The following MRC1 variants were observed in gnomAD, a reference collection of about 807,000 sequenced individuals.
MRC1 encodes mannose receptor C-type 1.
A neutral mutation model predicts 102.9 loss-of-function variants in MRC1; 62 were observed. The ratio of observed to expected loss-of-function variants is 0.60; its 90% CI spans 0.49 to 0.74. The LOEUF is 0.74. Among genes scored for constraint, MRC1 ranks in the 30% least tolerant of loss-of-function variants. The probability of loss-of-function intolerance (pLI) is 0.00; values close to 1 mark genes in which losing one functional copy is unlikely to be tolerated. For synonymous variants in MRC1, 457 were observed against 298.4 expected, an observed-to-expected ratio of 1.53 and a Z score of -5.48; for missense variants, 1,237 against 862.8, an observed-to-expected ratio of 1.43 and a Z score of -5.43.
Position 17,885,284 on chromosome 10 carries a change from A to G in MRC1, c.2996A>G (p.His999Arg). The G allele has an allele frequency of 2.6e-6, 2 of 780,874 alleles. No individual in the cohort carries two copies. The highest frequency in any genetic ancestry group is 4.8e-6 in the Non-Finnish European group (2 of 417,958). 48.4% of individuals were successfully genotyped at this position (780,874 alleles called of 1,614,324 possible). A position where few individuals can be genotyped will look rare whatever the true frequency, so the allele number is the denominator to read the frequency against. Residue 999 changes from histidine to arginine, a missense_variant, in exon 22 of 30, where the codon CAC (histidine) becomes CGC (arginine). His to Arg is a conservative substitution (Grantham distance 29, BLOSUM62 0). Transcript: ENST00000569591. Reference sequence around the variant, plus strand: ...TTTCTTTCAGCATTTCTTACCTATCACATGAAGGACTCCACTTTCAGTGCC... The same window carrying G: ...TTTCTTTCAGCATTTCTTACCTATCGCATGAAGGACTCCACTTTCAGTGCC... The part of the protein sequence containing the change: ...NEKEQAFLTY[H>R]MKDSTFSAWT...
At chr10:17,838,185 G>A (rs1190838576) in intron 4 of MRC1, among the ~76,000 whole-genome samples, 2 of 152,074 alleles carry the variant, frequency 1.3e-5, no homozygotes, top group South Asian at 2.1e-4. Context: ...CAGAACACCC[G>A]GGGATCCGCT....
At chr10:17,877,694 C>G (rs897818347) in intron 17 of MRC1, among the ~76,000 whole-genome samples, 1 of 152,070 alleles carries the variant, frequency 6.6e-6, no homozygotes, top group Admixed American at 6.5e-5. Context: ...ATAAAAGACT[C>G]CTGCTTTACA....
At chr10:17,886,207 T>C (rs1004676907) in intron 22 of MRC1, among the ~76,000 whole-genome samples, 4 of 152,176 alleles carry the variant, frequency 2.6e-5, no homozygotes, top group Non-Finnish European at 4.4e-5. Flanking sequence ...ACGTCTATGG[T>C]GTCCTATGTG....
intron 24 of MRC1, among the ~76,000 whole-genome samples, chr10:17,899,384 TTAAAG>T (rs1369217915): frequency 1.3e-5 from 2 of 152,222 alleles, no homozygotes; most frequent in African/African-American, 2.4e-5. Context: ...TCTTATGAGT[TTAAAG>T]TAAGCTTTTA....
chr10:17,855,459 T>C (rs1833073083), intron 8 of MRC1, among the ~76,000 whole-genome samples: 1 of 149,494 alleles, frequency 6.7e-6, no homozygotes, highest in Admixed American at 6.8e-5. Context: ...TAGTCCCAGC[T>C]ACTCAGGAGG....
rs1249273940 is a variant in MRC1 at position 17,902,438 on chromosome 10, T to A, written c.3799+316T>A. 5.3e-5 allele frequency among the ~76,000 whole-genome samples: 8 copies of A among 151,994 alleles called. 2 individuals are homozygous for A. The highest frequency in any genetic ancestry group is 2.1e-4 in the South Asian group (1 of 4,816). On this transcript the variant is annotated intron_variant, in intron 26 of 29. Coordinates refer to ENST00000569591, the MANE Select transcript of MRC1 (RefSeq NM_002438.4). Reference sequence around the variant, plus strand: ...TGTTGTACTCACCTCTTATCACTGGTAAGCTGAAGTTTTACAAGTGCCCAG... The same window carrying A: ...TGTTGTACTCACCTCTTATCACTGGAAAGCTGAAGTTTTACAAGTGCCCAG...
At chr10:17,820,586 G>A (rs2130585909) in intron 1 of MRC1, among the ~76,000 whole-genome samples, 1 of 152,112 alleles carries the variant, frequency 6.6e-6, no homozygotes, top group Non-Finnish European at 1.5e-5. Flanking sequence ...ACAATACAGT[G>A]AAAATGGCCA....
At chr10:17,850,558 C>T (rs1054071246) in intron 7 of MRC1, among the ~76,000 whole-genome samples, 71 of 152,170 alleles carry the variant, frequency 4.7e-4, no homozygotes, top group African/African-American at 1.7e-3. Flanking sequence ...ATGCTTGTCC[C>T]GAAGATGAGC....
rs1024387339 is a variant in MRC1 at position 17,894,113 on chromosome 10, T to A, written c.3148-97T>A. On this transcript the variant is annotated intron_variant, in intron 22 of 29. Coordinates refer to ENST00000569591, the MANE Select transcript of MRC1 (RefSeq NM_002438.4). ...TTAGGACAATCTTAAAATTTGGAAA[T>A]CAGGGATAATGAAAGATTTTTTTGC... is the stretch of plus-strand genomic sequence containing the variant. 7.7e-5 allele frequency: 63 copies of A among 813,434 alleles called. 1 individual carries two copies. In the South Asian group the frequency reaches 8.1e-4, roughly 10 times the overall value. The allele number at this position is 813,434 out of a possible 1,614,324, so 50.4% of individuals were successfully genotyped here. A position where few individuals can be genotyped will look rare whatever the true frequency, so the allele number is the denominator to read the frequency against.
intron 26 of MRC1, among the ~76,000 whole-genome samples, chr10:17,904,371 A>G (rs2130722179): frequency 6.6e-6 from 1 of 152,166 alleles, no homozygotes; most frequent in East Asian, 1.9e-4. Context: ...CATTTTTTGT[A>G]AGATAGCTTT....
At chr10:17,866,839 C>A in intron 12 of MRC1, 78 bp downstream of exon 12, 2 of 775,726 alleles carry the variant, frequency 2.6e-6, no homozygotes, top group Non-Finnish European at 4.8e-6. Context: ...ACATAGAAAA[C>A]AAACAAAAAC....
At chr10:17,883,765 G>A (rs1410844552) in intron 21 of MRC1, among the ~76,000 whole-genome samples, 1 of 152,204 alleles carries the variant, frequency 6.6e-6, no homozygotes, top group Non-Finnish European at 1.5e-5. Context: ...GTTGGTCTAG[G>A]AGTTAATGAC....
chr10:17,879,447 C>A (rs1047379549), intron 18 of MRC1, among the ~76,000 whole-genome samples: 15 of 152,290 alleles, frequency 9.8e-5, no homozygotes, highest in African/African-American at 3.4e-4. Context: ...CTCCGCCTCC[C>A]AGTTCAAGCG....
intron 5 of MRC1, among the ~76,000 whole-genome samples, chr10:17,842,482 AT>A (rs1212052785): frequency 2.0e-5 from 3 of 152,046 alleles, no homozygotes; most frequent in Non-Finnish European, 4.4e-5. Flanking sequence ...AATCAGTTCT[AT>A]TTTTTTCTGG....
intron 20 of MRC1, 31 bp from the exon 21 acceptor site, chr10:17,881,036 T>C (rs1321058871): frequency 2.6e-6 from 2 of 780,070 alleles, no homozygotes; most frequent in Non-Finnish European, 4.8e-6. Context: ...CTGCAGTTTT[T>C]CTTTTTTTCT....
intron 6 of MRC1, among the ~76,000 whole-genome samples, chr10:17,848,012 C>A (rs1838852119): frequency 6.7e-6 from 1 of 149,280 alleles, no homozygotes; most frequent in Admixed American, 6.7e-5. Flanking sequence ...TTTTTTATTA[C>A]AATTGTACAG....
chr10:17,896,406 G>A (rs982408974), intron 23 of MRC1, among the ~76,000 whole-genome samples: 5 of 152,180 alleles, frequency 3.3e-5, no homozygotes, highest in Non-Finnish European at 7.3e-5. Flanking sequence ...TAGGTCAGCA[G>A]TAATACCAAA....
In MRC1 at chr10:17,903,399, T is replaced by C. The variant is rs1456182076; in HGVS notation, c.3799+1277T>C. Among the ~76,000 whole-genome samples, 1,039 of 137,276 alleles carry C rather than the reference T, an allele frequency of 7.6e-3. 13 individuals carry two copies. Among genetic ancestry groups the C allele is most frequent in the East Asian group, 0.049 (242 of 4,898 alleles). The allele number at this position is 137,276 out of a possible 152,430, so 90.1% of individuals were successfully genotyped here. ...TTTCTTTTCTTTTTTTTTCTTTTTT[T>C]TTTTTTTTTTTTTTGAGACAGAGTC... On this transcript the variant is annotated intron_variant, in intron 26 of 29. Coordinates refer to ENST00000569591, the MANE Select transcript of MRC1 (RefSeq NM_002438.4).
In MRC1 at chr10:17,856,407, T is replaced by C. The variant is rs1037075913; in HGVS notation, c.1518+55T>C. ...GCTGAGCACGTATGAGTTGATACCG[T>C]TGGCTTTATTTTTATGTGTGAAAGT... On this transcript the variant is annotated intron_variant, in intron 9 of 29. Transcript: ENST00000569591. 1,140 of 809,054 alleles carry C rather than the reference T, an allele frequency of 1.4e-3. 14 individuals are homozygous for C. The highest frequency in any genetic ancestry group is 0.01 in the South Asian group (714 of 69,374). The allele number at this position is 809,054 out of a possible 1,614,324, so 50.1% of individuals were successfully genotyped here.
Sources: allele counts gnomAD v4.1 joint callset (sites outside exome capture counted in the v4.1 genomes callset), GRCh38; gene constraint gnomAD v4.1.1; transcripts MANE v1.5; gene names NCBI Gene and HGNC (gene_info 2026-07-23, HGNC 2026-07-21).